GRIK2: variants seen among roughly 807,000 people sequenced by gnomAD.
GRIK2 encodes glutamate receptor ionotropic, kainate 2.
GRIK2 carries 32 observed loss-of-function variants against 100.3 expected under a neutral mutation model. That is an observed-to-expected ratio of 0.32 (90% confidence interval 0.24 to 0.43). The LOEUF (loss-of-function observed/expected upper bound fraction) is 0.43, where lower values mean the gene tolerates loss of function less well. GRIK2 is among the 20% of genes least tolerant of loss of function. GRIK2 has a pLI of 1.00. For synonymous variants in GRIK2, 417 were observed against 389.4 expected (o/e 1.07, Z -0.83); for missense variants, 843 against 1,114.9 (o/e 0.76, Z 3.47).
intron 8 of GRIK2, 129 bp from the exon 9 acceptor site, chr6:101,802,202 T>G: frequency 2.4e-6 from 1 of 410,154 alleles, no homozygotes; most frequent in Non-Finnish European, 4.4e-6. Flanking sequence ...AGAAGAAAAT[T>G]AAAATATTTT....
intron 2 of GRIK2, among the ~76,000 whole-genome samples, chr6:101,587,043 A>G (rs948721102): frequency 6.6e-6 from 1 of 152,050 alleles, no homozygotes; most frequent in African/African-American, 2.4e-5. Context: ...CATTTTATTC[A>G]CAGGGTTGAG....
chr6:101,727,567 A>C (rs1362865437), intron 7 of GRIK2, among the ~76,000 whole-genome samples: 1 of 152,082 alleles, frequency 6.6e-6, no homozygotes, highest in Non-Finnish European at 1.5e-5. Flanking sequence ...CTTGTTGTAC[A>C]TTATCTTTCA....
intron 5 of GRIK2, among the ~76,000 whole-genome samples, chr6:101,680,223 TCTC>T (rs760818789): frequency 2.0e-5 from 3 of 152,148 alleles, no homozygotes; most frequent in South Asian, 2.1e-4. Flanking sequence ...ATCATCTTCT[TCTC>T]CACCATCTCC....
Position 101,960,048 on chromosome 6 carries a change from G to GTTTTTTTTTTTTTTTT in GRIK2, c.2085+31420_2085+31421insTTTTTTTTTTTTTTTT, listed in dbSNP as rs3029100. On this transcript the variant is annotated intron_variant, in intron 14 of 16. Coordinates refer to ENST00000369134, the MANE Select transcript of GRIK2 (RefSeq NM_021956.5). ...TTATTTCTCAAAGCCTTTTTTTAGT[G>GTTTTTTTTTTTTTTTT]TTTTGTTTTTTTTTTTTTGTCTGAC... Among the ~76,000 whole-genome samples the GTTTTTTTTTTTTTTTT allele has an allele frequency of 5.9e-5, 7 of 118,266 alleles. 1 individual carries two copies. The highest frequency in any genetic ancestry group is 8.4e-5 in the Non-Finnish European group (5 of 59,660). The allele number at this position is 118,266 out of a possible 152,430, so 77.6% of individuals were successfully genotyped here.
intron 14 of GRIK2, among the ~76,000 whole-genome samples, chr6:102,017,690 AG>A (rs1769191771): frequency 6.6e-6 from 1 of 152,106 alleles, no homozygotes; most frequent in South Asian, 2.1e-4. Flanking sequence ...GTTTTCCCAC[AG>A]TTCTTAGATA....
At chr6:101,548,695 T>G (rs574348291) in intron 2 of GRIK2, among the ~76,000 whole-genome samples, 297 of 152,334 alleles carry the variant, frequency 1.9e-3, no homozygotes, top group African/African-American at 6.8e-3. Context: ...ATCATCACTG[T>G]ATCATGATCA....
chr6:101,631,681 A>G (rs1442170244), intron 4 of GRIK2, among the ~76,000 whole-genome samples: 2 of 152,058 alleles, frequency 1.3e-5, no homozygotes, highest in Non-Finnish European at 2.9e-5. Flanking sequence ...TGGCTCGACA[A>G]CAATCGGTTG....
chr6:101,883,792 A>C (rs542658400), intron 11 of GRIK2, among the ~76,000 whole-genome samples: 5 of 152,294 alleles, frequency 3.3e-5, no homozygotes, highest in African/African-American at 4.8e-5. Context: ...CACTCACTTG[A>C]GGATTAGCAA....
chr6:101,801,736 G>A (rs763024160), intron 8 of GRIK2, among the ~76,000 whole-genome samples: 14 of 151,888 alleles, frequency 9.2e-5, no homozygotes, highest in Admixed American at 4.6e-4. Context: ...ACCTTTTAGG[G>A]TTGAACATAT....
intron 2 of GRIK2, among the ~76,000 whole-genome samples, chr6:101,500,725 C>T (rs1412831591): frequency 1.3e-5 from 2 of 151,940 alleles, no homozygotes; most frequent in Non-Finnish European, 2.9e-5. Context: ...AAATTATTAT[C>T]CTTCAAAGAC....
At position 101,399,501 on chromosome 6, in the gene GRIK2, C is replaced by T. The variant is rs544055232; in HGVS notation, c.115+109C>T. 2.1e-5 allele frequency: 15 copies of T among 718,880 alleles called. No individual in the cohort carries two copies. In the African/African-American group the frequency reaches 2.3e-4, roughly 11 times the overall value. 44.5% of individuals were successfully genotyped at this position (718,880 alleles called of 1,614,324 possible). ...TGGGCTCCGTGGATTCTGATCTGCT[C>T]ACTGCTCTGTCGTCTCCTGGGGCTT... On this transcript the variant is annotated intron_variant, in intron 2 of 16. Transcript: ENST00000369134.
At chr6:101,708,743 A>T (rs914159005) in intron 7 of GRIK2, among the ~76,000 whole-genome samples, 4 of 151,790 alleles carry the variant, frequency 2.6e-5, no homozygotes, top group Non-Finnish European at 4.4e-5. Context: ...TACATATTTT[A>T]ATTTTTGACA....
At chr6:101,863,722 C>T (rs941633605) in intron 11 of GRIK2, among the ~76,000 whole-genome samples, 2 of 152,108 alleles carry the variant, frequency 1.3e-5, no homozygotes, top group Admixed American at 6.5e-5. Flanking sequence ...ATTTGGGCAC[C>T]GTGTGTCTAA....
intron 12 of GRIK2, among the ~76,000 whole-genome samples, chr6:101,920,953 A>G (rs1314175581): frequency 6.6e-6 from 1 of 151,982 alleles, no homozygotes; most frequent in Non-Finnish European, 1.5e-5. Context: ...CGGTATATAG[A>G]GATTAGAAAT....
intron 2 of GRIK2, among the ~76,000 whole-genome samples, chr6:101,572,790 TTTG>T (rs541014397): frequency 2.3e-4 from 34 of 148,690 alleles, no homozygotes; most frequent in Non-Finnish European, 3.0e-4. Flanking sequence ...TTTAAGGTGT[TTTG>T]TTGTTGTTGT....
intron 10 of GRIK2, among the ~76,000 whole-genome samples, chr6:101,849,565 T>G (rs1046191622): frequency 3.9e-5 from 6 of 152,072 alleles, no homozygotes; most frequent in African/African-American, 1.4e-4. Context: ...TTGATTTCCA[T>G]ACTCTATAAA....
intron 4 of GRIK2, among the ~76,000 whole-genome samples, chr6:101,651,742 T>C (rs1290881154): frequency 6.6e-6 from 1 of 152,084 alleles, no homozygotes; most frequent in Non-Finnish European, 1.5e-5. Context: ...ATGTTAAGTT[T>C]TGGGTGCCTA....
At chr6:101,571,207 A>G (rs183608381) in intron 2 of GRIK2, among the ~76,000 whole-genome samples, 1 of 152,230 alleles carries the variant, frequency 6.6e-6, no homozygotes, top group East Asian at 1.9e-4. Context: ...ATCAGTATTG[A>G]TATGTTTGTT....
chr6:101,790,265 G>A (rs904815128), intron 7 of GRIK2, among the ~76,000 whole-genome samples: 2 of 151,746 alleles, frequency 1.3e-5, no homozygotes. Context: ...TGGTGAGAGA[G>A]GGCATCCCTG....
Sources: allele counts gnomAD v4.1 joint callset (sites outside exome capture counted in the v4.1 genomes callset), GRCh38; gene constraint gnomAD v4.1.1; transcripts MANE v1.5; gene names NCBI Gene and HGNC (gene_info 2026-07-23, HGNC 2026-07-21).